ARHGEF3: variants seen among roughly 807,000 people sequenced by gnomAD.
The protein encoded by ARHGEF3 is Rho guanine nucleotide exchange factor 3.
ARHGEF3 carries 28 observed loss-of-function variants against 63.2 expected under a neutral mutation model. The observed-to-expected ratio is 0.44, with a 90% confidence interval of 0.33 to 0.61. ARHGEF3 has a LOEUF of 0.61. Among genes scored for constraint, ARHGEF3 ranks in the 20% least tolerant of loss-of-function variants. The pLI, the probability that ARHGEF3 is intolerant of heterozygous loss-of-function variation, is 0.03. For synonymous variants in ARHGEF3, 266 were observed against 254.2 expected, an observed-to-expected ratio of 1.05 and a Z score of -0.44; for missense variants, 533 against 659.3, an observed-to-expected ratio of 0.81 and a Z score of 2.10.
intron 4 of ARHGEF3, among the ~76,000 whole-genome samples, chr3:56,821,115 C>A (rs942154909): frequency 6.6e-6 from 1 of 151,782 alleles, no homozygotes; most frequent in Non-Finnish European, 1.5e-5. Flanking sequence ...AGTGATCGGG[C>A]CACTGCACTC....
At chr3:57,042,922 C>A (rs1023901698) in intron 1 of ARHGEF3, among the ~76,000 whole-genome samples, 1 of 151,214 alleles carries the variant, frequency 6.6e-6, no homozygotes, top group Non-Finnish European at 1.5e-5. Flanking sequence ...TGGTCTTGAT[C>A]TCCTGACCTC....
rs550481183 is a variant in ARHGEF3 at position 56,753,265 on chromosome 3, T to C, written c.438+239A>G. Among the ~76,000 whole-genome samples the C allele has an allele frequency of 5.9e-5, 9 of 152,330 alleles. No individual in the cohort carries two copies. The South Asian group carries it at 1.9e-3, about 32-fold the overall frequency. On this transcript the variant is annotated intron_variant, in intron 4 of 9. Transcript: ENST00000296315. ...AGGCCTCCATGGACACTTTCTGATT[T>C]AGGCTGAAGTATTCTTTGACATGCA...
At chr3:56,916,427 G>A (rs574398664) in intron 3 of ARHGEF3, 19 of 1,462,668 alleles carry the variant, frequency 1.3e-5, no homozygotes, top group Non-Finnish European at 1.7e-5. Flanking sequence ...ACAGGGCTGA[G>A]CATAGTTTCC....
intron 3 of ARHGEF3, among the ~76,000 whole-genome samples, chr3:56,920,823 C>A (rs554200139): frequency 6.6e-6 from 1 of 152,004 alleles, no homozygotes; most frequent in Non-Finnish European, 1.5e-5. Context: ...GAGGCCGAGG[C>A]GGGCAGATCA....
chr3:56,962,447 C>T (rs1270229068), intron 2 of ARHGEF3, among the ~76,000 whole-genome samples: 1 of 152,220 alleles, frequency 6.6e-6, no homozygotes, highest in African/African-American at 2.4e-5. Flanking sequence ...GTGTCCAGCC[C>T]TCAGGCTCCT....
intron 3 of ARHGEF3, among the ~76,000 whole-genome samples, chr3:56,930,277 C>T (rs1005280414): frequency 2.0e-5 from 3 of 152,118 alleles, no homozygotes; most frequent in Non-Finnish European, 2.9e-5. Context: ...CCAGCAGAAA[C>T]GAACCCGGTG....
chr3:56,856,091 G>A (rs990923090), intron 4 of ARHGEF3, among the ~76,000 whole-genome samples: 1 of 152,188 alleles, frequency 6.6e-6, no homozygotes, highest in African/African-American at 2.4e-5. Context: ...GGGGCCAGGG[G>A]CCTGGCCAGT....
rs1417143792 is a variant in ARHGEF3, at chr3:56,861,869, T to G, written c.192+20423A>C. ...ATGAAGCCTTCTAACCTGTTGGTTTTTTTTTTTTTTTTTAACTCTCTCTCT... is the reference window on the plus strand; with the variant it reads ...ATGAAGCCTTCTAACCTGTTGGTTTGTTTTTTTTTTTTTAACTCTCTCTCT... On this transcript the variant is annotated intron_variant, in intron 4 of 12. Transcript: ENST00000338458. 2.7e-3 allele frequency among the ~76,000 whole-genome samples: 405 copies of G among 151,438 alleles called. 2 individuals are homozygous for G. The highest frequency in any genetic ancestry group is 9.2e-3 in the African/African-American group (379 of 41,306).
At chr3:57,061,304 A>T (rs1046896370) in intron 1 of ARHGEF3, among the ~76,000 whole-genome samples, 4 of 151,270 alleles carry the variant, frequency 2.6e-5, no homozygotes, top group African/African-American at 4.9e-5. Context: ...ATTTATTATT[A>T]TTTTTTTTTT....
chr3:56,743,221 A>T (rs1183280440), intron 7 of ARHGEF3, among the ~76,000 whole-genome samples: 3 of 152,240 alleles, frequency 2.0e-5, no homozygotes, highest in Non-Finnish European at 4.4e-5. Context: ...CCTGCCAGAT[A>T]CATTGAATAC....
In ARHGEF3 at chr3:56,982,436, C is replaced by A. The variant is rs142813159; in HGVS notation, c.63-23547G>T. Among the ~76,000 whole-genome samples, 413 of 152,160 alleles carry A rather than the reference C, an allele frequency of 2.7e-3. 2 individuals are homozygous for A. The highest frequency in any genetic ancestry group is 9.7e-3 in the African/African-American group (401 of 41,504). On this transcript the variant is annotated intron_variant, in intron 2 of 12. Transcript: ENST00000338458. ...TTAATTCATGTGTAATGGAGCGAAA[C>A]CCCTCCTTCAGGGCTCTTCTCAGTG...
At chr3:56,787,872 T>C (rs1334306466) in intron 1 of ARHGEF3, among the ~76,000 whole-genome samples, 1 of 152,170 alleles carries the variant, frequency 6.6e-6, no homozygotes, top group East Asian at 1.9e-4. Context: ...TCAGAGGCGT[T>C]AAGGGCCTCG....
chr3:57,006,692 CACA>C (rs1342249365), intron 2 of ARHGEF3, among the ~76,000 whole-genome samples: 2 of 152,148 alleles, frequency 1.3e-5, no homozygotes, highest in African/African-American at 4.8e-5. Flanking sequence ...CAGTGACACA[CACA>C]ACATCACCAA....
intron 4 of ARHGEF3, among the ~76,000 whole-genome samples, chr3:56,870,156 A>T (rs1419782961): frequency 6.6e-6 from 1 of 152,198 alleles, no homozygotes; most frequent in Admixed American, 6.5e-5. Flanking sequence ...GGAGAACTGC[A>T]TTAAAAATAA....
At chr3:56,855,102 A>G (rs1334492647) in intron 4 of ARHGEF3, among the ~76,000 whole-genome samples, 6 of 151,916 alleles carry the variant, frequency 3.9e-5, no homozygotes, top group Admixed American at 3.9e-4. Flanking sequence ...TACAATAACA[A>G]GGTCAGAGGA....
At chr3:57,017,406 C>T (rs565453774) in intron 2 of ARHGEF3, among the ~76,000 whole-genome samples, 2 of 152,168 alleles carry the variant, frequency 1.3e-5, no homozygotes, top group Non-Finnish European at 2.9e-5. Context: ...TCCACTAACC[C>T]AGTTTCTAAT....
chr3:57,054,059 A>AGTTTGGGTAGAT (rs1422980221), intron 1 of ARHGEF3, among the ~76,000 whole-genome samples: 3 of 152,196 alleles, frequency 2.0e-5, no homozygotes, highest in Admixed American at 2.0e-4. Context: ...GCATCTGTTA[A>AGTTTGGGTAGAT]GTTTGGGTAG....
intron 3 of ARHGEF3, among the ~76,000 whole-genome samples, chr3:56,929,365 A>T (rs1273970285): frequency 6.6e-6 from 1 of 152,190 alleles, no homozygotes; most frequent in Non-Finnish European, 1.5e-5. Context: ...ATCACCCCAA[A>T]TCCTGACTAA....
At chr3:57,064,376 T>G (rs1396941142) in intron 1 of ARHGEF3, among the ~76,000 whole-genome samples, 2 of 152,044 alleles carry the variant, frequency 1.3e-5, no homozygotes, top group Non-Finnish European at 2.9e-5. Context: ...CAGGCTGGGA[T>G]GCAGCGGCAA....
Sources: allele counts gnomAD v4.1 joint callset (sites outside exome capture counted in the v4.1 genomes callset), GRCh38; gene constraint gnomAD v4.1.1; transcripts MANE v1.5; gene names NCBI Gene and HGNC (gene_info 2026-07-23, HGNC 2026-07-21).